The following SLC17A6 variants were observed in gnomAD, a reference collection of about 807,000 sequenced individuals.
SLC17A6 encodes solute carrier family 17 member 6, also known as vesicular glutamate transporter 2.
SLC17A6 carries 35 observed loss-of-function variants against 67.1 expected under a neutral mutation model. The ratio of observed to expected loss-of-function variants is 0.52; its 90% CI spans 0.40 to 0.69. The LOEUF (loss-of-function observed/expected upper bound fraction) is 0.69, where lower values mean the gene tolerates loss of function less well. Among genes scored for constraint, SLC17A6 ranks in the 30% least tolerant of loss-of-function variants. The pLI is 0.00. For synonymous variants in SLC17A6, 285 were observed against 252.3 expected, an observed-to-expected ratio of 1.13 and a Z score of -1.23; for missense variants, 588 against 723.9, an observed-to-expected ratio of 0.81 and a Z score of 2.15.
intron 7 of SLC17A6, among the ~76,000 whole-genome samples, chr11:22,366,176 T>A (rs925292683): frequency 6.6e-6 from 1 of 152,092 alleles, no homozygotes; most frequent in African/African-American, 2.4e-5. Context: ...AAATTTAATG[T>A]ATAAATTGGG....
At chr11:22,364,124 C>T (rs993098594) in intron 6 of SLC17A6, among the ~76,000 whole-genome samples, 1 of 152,052 alleles carries the variant, frequency 6.6e-6, no homozygotes, top group African/African-American at 2.4e-5. Flanking sequence ...TTCTTACTTG[C>T]TGTGTGTAAC....
intron 4 of SLC17A6, among the ~76,000 whole-genome samples, chr11:22,360,147 T>C (rs1411506494): frequency 2.7e-5 from 4 of 150,112 alleles, no homozygotes; most frequent in African/African-American, 9.8e-5. Context: ...TATGCAGTCA[T>C]AAAAAGGAAT....
At chr11:22,362,351 C>T (rs935696885) in intron 5 of SLC17A6, 1 of 333,790 alleles carries the variant, frequency 3.0e-6, no homozygotes, top group Admixed American at 4.4e-5. Context: ...TGAAACTGCA[C>T]GAATTTGCTA....
At chr11:22,344,998 C>A (rs1028465240) in intron 3 of SLC17A6, among the ~76,000 whole-genome samples, 27 of 151,760 alleles carry the variant, frequency 1.8e-4, no homozygotes, top group African/African-American at 5.6e-4. Context: ...TCCAACAATT[C>A]ACCAAAAAAC....
chr11:22,373,583 A>AT (rs1215447528), intron 8 of SLC17A6, among the ~76,000 whole-genome samples: 1 of 151,828 alleles, frequency 6.6e-6, no homozygotes, highest in African/African-American at 2.4e-5. Context: ...ATTTTATTTG[A>AT]TTTTTCCTTC....
intron 6 of SLC17A6, among the ~76,000 whole-genome samples, chr11:22,363,438 A>T (rs2593689): frequency 6.6e-6 from 1 of 152,154 alleles, no homozygotes; most frequent in African/African-American, 2.4e-5. Context: ...ATATCCCTAC[A>T]GTCTTTCTTT....
At position 22,343,254 on chromosome 11, in the gene SLC17A6, A is replaced by G. The variant is rs200579202; in HGVS notation, c.347A>G (p.Lys116Arg). 3.1e-6 allele frequency: 5 copies of G among 1,613,576 alleles called. No homozygotes were observed. In the Admixed American group the frequency reaches 6.7e-5, roughly 22 times the overall value. The stretch of plus-strand genomic sequence containing the variant: ...TTTCCTACCCCTCCATAGAAAGCCA[A>G]ATTCAACTGGGACCCGGAAACCGTG... ...RGGKVIKEKA[K>R]FNWDPETVGM... The change falls in exon 3 of 12, where the codon AAA (lysine) becomes AGA (arginine). Residue 116 changes from lysine (K) to arginine (R), a missense_variant. Around this residue, in one of 4 missense-constraint regions of SLC17A6, gnomAD observed 48 missense variants for 36.5 expected, o/e 1.32. Coordinates refer to ENST00000263160, the MANE Select transcript of SLC17A6 (RefSeq NM_020346.3).
chr11:22,376,117 T>A (rs1856229970), intron 10 of SLC17A6, 25 bp downstream of exon 10: 1 of 1,527,008 alleles, frequency 6.5e-7, no homozygotes, highest in Non-Finnish European at 9.0e-7. Context: ...TTTTTCTTTG[T>A]ACTTGGGACA....
At chr11:22,373,886 A>G (rs1156974050) in intron 8 of SLC17A6, among the ~76,000 whole-genome samples, 2 of 152,164 alleles carry the variant, frequency 1.3e-5, no homozygotes, top group Non-Finnish European at 2.9e-5. Context: ...TTTGTCTCAA[A>G]CCTTCGATAA....
intron 1 of SLC17A6, among the ~76,000 whole-genome samples, chr11:22,341,014 G>C (rs1031061179): frequency 8.5e-5 from 13 of 152,206 alleles, no homozygotes; most frequent in Non-Finnish European, 1.6e-4. Context: ...GGAAAAGGCA[G>C]CGCGGGTGGG....
intron 1 of SLC17A6, among the ~76,000 whole-genome samples, chr11:22,339,157 A>T (rs1348946): frequency 0.013 from 439 of 32,968 alleles, 46 homozygotes; most frequent in African/African-American, 0.016. Flanking sequence ...ATATAGTTAT[A>T]TATATATGTT....
chr11:22,368,972 A>G (rs187847001), intron 7 of SLC17A6, among the ~76,000 whole-genome samples: 9 of 152,162 alleles, frequency 5.9e-5, no homozygotes, highest in Non-Finnish European at 8.8e-5. Context: ...AGTGATCTTT[A>G]AAAGGCTTAA....
intron 4 of SLC17A6, among the ~76,000 whole-genome samples, chr11:22,359,818 A>G (rs975794578): frequency 6.7e-6 from 1 of 149,138 alleles, no homozygotes; most frequent in Admixed American, 6.7e-5. Context: ...TTAATGTGTC[A>G]TGACAAGAAT....
intron 3 of SLC17A6, among the ~76,000 whole-genome samples, chr11:22,349,456 G>A (rs1003067730): frequency 6.6e-6 from 1 of 152,206 alleles, no homozygotes; most frequent in Non-Finnish European, 1.5e-5. Flanking sequence ...GATGGATTGA[G>A]GAGGGAGGGG....
chr11:22,351,305 G>A (rs981773952), intron 3 of SLC17A6, among the ~76,000 whole-genome samples: 1 of 152,050 alleles, frequency 6.6e-6, no homozygotes, highest in African/African-American at 2.4e-5. Context: ...TTGTGTAATA[G>A]TGAGGTTTAG....
At chr11:22,355,184 C>T (rs1468895997) in intron 3 of SLC17A6, among the ~76,000 whole-genome samples, 1 of 152,124 alleles carries the variant, frequency 6.6e-6, no homozygotes, top group African/African-American at 2.4e-5. Flanking sequence ...CAAGGTCACT[C>T]AGTAATAAGT....
chr11:22,351,209 G>A (rs986109998), intron 3 of SLC17A6, among the ~76,000 whole-genome samples: 33 of 151,828 alleles, frequency 2.2e-4, no homozygotes, highest in African/African-American at 3.4e-4. Flanking sequence ...TCTTTATCCC[G>A]CACATGACTC....
intron 4 of SLC17A6, among the ~76,000 whole-genome samples, chr11:22,360,536 C>CA (rs1491014843): frequency 1.0e-4 from 14 of 136,824 alleles, no homozygotes; most frequent in East Asian, 8.4e-4. Flanking sequence ...TCCCCCCCCC[C>CA]CAAAAAAAAG....
chr11:22,340,035 C>A (rs1855797077), intron 1 of SLC17A6, among the ~76,000 whole-genome samples: 1 of 152,172 alleles, frequency 6.6e-6, no homozygotes, highest in African/African-American at 2.4e-5. Context: ...ATGACTTATT[C>A]TCCAGGTGCT....
Sources: gnomAD v4.1 joint callset for allele counts (sites outside exome capture counted in the v4.1 genomes callset) on GRCh38, gnomAD v4.1.1 for gene constraint, gnomAD v4.1.1 regional missense constraint, MANE v1.5 for transcripts, NCBI Gene and HGNC (gene_info 2026-07-23, HGNC 2026-07-21) for gene names.